FRMD5: variants seen among roughly 807,000 people sequenced by gnomAD.
The protein encoded by FRMD5 is FERM domain containing 5, also known as FERM domain-containing protein 5.
In FRMD5, 20 loss-of-function variants were observed where a neutral mutation model predicts 69.0. That is an observed-to-expected ratio of 0.29 (90% confidence interval 0.20 to 0.42). The LOEUF (loss-of-function observed/expected upper bound fraction) is 0.42. FRMD5 is among the 10% of genes least tolerant of loss of function. FRMD5 has a pLI of 1.00. For missense variants in FRMD5, 595 were observed against 708.6 expected (o/e 0.84, Z 1.82); for synonymous variants, 271 against 260.1 (o/e 1.04, Z -0.40).
chr15:43,946,904 T>C lies in FRMD5; in HGVS notation c.103-22595A>G, dbSNP rs79340230. Among the ~76,000 whole-genome samples, 519 of 152,360 alleles carry C rather than the reference T, an allele frequency of 3.4e-3. 7 individuals are homozygous for C. Among genetic ancestry groups the C allele is most frequent in the African/African-American group, 0.012 (491 of 41,582 alleles). ...CTAGTGTTAGTTAAAGTAGATACTT[T>C]GGAAGTCTGGTAGGCAACTTCAGTC... On this transcript the variant is annotated intron_variant, in intron 1 of 13. Transcript: ENST00000417257.
At chr15:44,105,361 G>A (rs1230183939) in intron 1 of FRMD5, among the ~76,000 whole-genome samples, 2 of 152,152 alleles carry the variant, frequency 1.3e-5, no homozygotes, top group African/African-American at 2.4e-5. Context: ...ACAAGTGTGA[G>A]CCACTGTGCC....
At chr15:44,127,322 C>G (rs919741178) in intron 1 of FRMD5, among the ~76,000 whole-genome samples, 1 of 152,208 alleles carries the variant, frequency 6.6e-6, no homozygotes, top group Non-Finnish European at 1.5e-5. Context: ...AGACTCCTGA[C>G]CTCAAGTGAT....
At chr15:43,917,068 C>G (rs1358844356) in intron 4 of FRMD5, among the ~76,000 whole-genome samples, 1 of 152,180 alleles carries the variant, frequency 6.6e-6, no homozygotes, top group Non-Finnish European at 1.5e-5. Context: ...GCGTGAGCCA[C>G]CACGCCTGGC....
At chr15:43,902,538 T>C (rs1263354552) in intron 6 of FRMD5, among the ~76,000 whole-genome samples, 1 of 151,900 alleles carries the variant, frequency 6.6e-6, no homozygotes, top group Non-Finnish European at 1.5e-5. Flanking sequence ...ATCTTAACTC[T>C]GAGATTCCCA....
chr15:43,938,659 G>C (rs1242914844), intron 1 of FRMD5, among the ~76,000 whole-genome samples: 1 of 152,130 alleles, frequency 6.6e-6, no homozygotes, highest in African/African-American at 2.4e-5. Context: ...GCTTCAACCA[G>C]AACACCACTC....
At chr15:43,945,056 G>C (rs926235319) in intron 1 of FRMD5, among the ~76,000 whole-genome samples, 1 of 151,906 alleles carries the variant, frequency 6.6e-6, no homozygotes, top group Non-Finnish European at 1.5e-5. Context: ...CAAAGTGCTG[G>C]GATTACAGGC....
At chr15:44,138,950 G>A (rs1335473100) in intron 1 of FRMD5, among the ~76,000 whole-genome samples, 1 of 152,176 alleles carries the variant, frequency 6.6e-6, no homozygotes, top group Non-Finnish European at 1.5e-5. Context: ...CGACAGAAAA[G>A]AGAGTGGGGA....
chr15:44,125,579 T>C (rs2077014523), intron 1 of FRMD5, among the ~76,000 whole-genome samples: 1 of 152,218 alleles, frequency 6.6e-6, no homozygotes, highest in South Asian at 2.1e-4. Flanking sequence ...CTACAATTTC[T>C]GAGATCATGA....
At chr15:44,048,061 G>T (rs1892504809) in intron 1 of FRMD5, among the ~76,000 whole-genome samples, 1 of 151,986 alleles carries the variant, frequency 6.6e-6, no homozygotes, top group African/African-American at 2.4e-5. Context: ...AATTCTCTCG[G>T]TTGTCATCTT....
At chr15:43,988,160 G>GT (rs1555391351) in intron 1 of FRMD5, among the ~76,000 whole-genome samples, 1 of 152,014 alleles carries the variant, frequency 6.6e-6, no homozygotes, top group African/African-American at 2.4e-5. Context: ...AGCTTCTCTT[G>GT]CCCCCCCACC....
At chr15:44,117,458 A>C (rs1225717887) in intron 1 of FRMD5, among the ~76,000 whole-genome samples, 2 of 152,184 alleles carry the variant, frequency 1.3e-5, no homozygotes, top group Admixed American at 1.3e-4. Context: ...GAAAGGGAAA[A>C]AAATCAGATT....
intron 1 of FRMD5, among the ~76,000 whole-genome samples, chr15:43,946,567 T>C (rs1052320780): frequency 7.2e-5 from 11 of 152,102 alleles, no homozygotes; most frequent in African/African-American, 2.4e-4. Flanking sequence ...TAATGTAAAA[T>C]GCATTAGAAA....
intron 1 of FRMD5, among the ~76,000 whole-genome samples, chr15:44,112,522 A>G (rs933682104): frequency 2.0e-4 from 30 of 149,350 alleles, no homozygotes; most frequent in Non-Finnish European, 3.1e-4. Flanking sequence ...GCTGGAGTGC[A>G]GTGGCACCAT....
chr15:43,880,981 T>C (rs998168923), intron 13 of FRMD5, among the ~76,000 whole-genome samples: 2 of 152,208 alleles, frequency 1.3e-5, no homozygotes, highest in African/African-American at 4.8e-5. Flanking sequence ...AAGGACTGTT[T>C]TCCCCGCCTC....
In FRMD5 at chr15:43,989,811, C is replaced by T. The variant is rs1314928484; in HGVS notation, c.103-65502G>A. On this transcript the variant is annotated intron_variant, in intron 1 of 13. Coordinates refer to ENST00000417257, the MANE Select transcript of FRMD5 (RefSeq NM_032892.5). ...ACATGGCTGGCCTGTCGAAGATCTCCAACATGATCTGGGTCATCTTCTTGT... is the reference window on the plus strand; with the variant it reads ...ACATGGCTGGCCTGTCGAAGATCTCTAACATGATCTGGGTCATCTTCTTGT... 6.8e-6 allele frequency: 7 copies of T among 1,034,048 alleles called. No individual in the cohort carries two copies. The African/African-American group carries it at 7.9e-5, about 12-fold the overall frequency. 64.1% of individuals were successfully genotyped at this position (1,034,048 alleles called of 1,614,324 possible). A position where few individuals can be genotyped will look rare whatever the true frequency, so the allele number is the denominator to read the frequency against.
chr15:43,991,795 C>T (rs977774802), intron 1 of FRMD5, among the ~76,000 whole-genome samples: 4 of 152,212 alleles, frequency 2.6e-5, no homozygotes, highest in South Asian at 2.1e-4. Context: ...ACTCCATTTA[C>T]GTATTAGCTC....
At chr15:43,992,224 A>C (rs1313436632) in intron 1 of FRMD5, among the ~76,000 whole-genome samples, 1 of 152,118 alleles carries the variant, frequency 6.6e-6, no homozygotes, top group East Asian at 1.9e-4. Context: ...GTTTTGTTTT[A>C]ATCTGACGTG....
chr15:44,016,542 C>A (rs1036089498), intron 1 of FRMD5, among the ~76,000 whole-genome samples: 3 of 151,694 alleles, frequency 2.0e-5, no homozygotes, highest in Non-Finnish European at 4.4e-5. Context: ...GGCCAACATG[C>A]GAAACCCTGT....
chr15:44,162,880 A>AC (rs1000459561), intron 1 of FRMD5, among the ~76,000 whole-genome samples: 1 of 148,828 alleles, frequency 6.7e-6, no homozygotes, highest in African/African-American at 2.5e-5. Flanking sequence ...AAAAAAAAAA[A>AC]AAAAAAAAAC....
Sources: gnomAD v4.1 joint callset for allele counts (sites outside exome capture counted in the v4.1 genomes callset) on GRCh38, gnomAD v4.1.1 for gene constraint, MANE v1.5 for transcripts, NCBI Gene and HGNC (gene_info 2026-07-23, HGNC 2026-07-21) for gene names.